The following DYNC1I1 variants were observed in gnomAD, a reference collection of about 807,000 sequenced individuals.
The protein encoded by DYNC1I1 is dynein cytoplasmic 1 intermediate chain 1, also known as cytoplasmic dynein 1 intermediate chain 1.
Under a neutral mutation model 86.6 loss-of-function variants are expected in DYNC1I1, and 43 were observed. The observed-to-expected ratio is 0.50, with a 90% CI of 0.39 to 0.64. The LOEUF is 0.64. Ranked by LOEUF, DYNC1I1 falls within the 30% of genes least tolerant of loss-of-function variation. The probability of loss-of-function intolerance (pLI) is 0.00; values close to 1 mark genes in which losing one functional copy is unlikely to be tolerated. For missense variants in DYNC1I1, 604 were observed against 788.8 expected (o/e 0.77, Z 2.81); for synonymous variants, 262 against 283.7 (o/e 0.92, Z 0.77).
At chr7:96,097,428 C>G (rs1347148836) in intron 16 of DYNC1I1, 55 bp from the exon 17 acceptor site, 7 of 1,601,598 alleles carry the variant, frequency 4.4e-6, no homozygotes, top group Non-Finnish European at 4.3e-6. Context: ...GGCTTCAAGG[C>G]TTTCAGACAT....
At chr7:96,032,155 A>G (rs1356959718) in intron 11 of DYNC1I1, among the ~76,000 whole-genome samples, 2 of 152,202 alleles carry the variant, frequency 1.3e-5, no homozygotes, top group Admixed American at 6.6e-5. Flanking sequence ...CCCCCAGATT[A>G]AAATGGTTAT....
In DYNC1I1 at chr7:95,804,937, T is replaced by C. The variant is rs1444495005; in HGVS notation, c.108+100T>C. On this transcript the variant is annotated intron_variant, in intron 2 of 16. Transcript: ENST00000447467. ...AAATAGGACTCCCTAAAAGAATCCT[T>C]TTATGATATCTGAATAAAATGATTA... is the stretch of plus-strand genomic sequence containing the variant. 3 of 1,439,556 alleles carry C rather than the reference T, an allele frequency of 2.1e-6. No homozygotes were observed. The African/African-American group carries it at 4.3e-5, about 21-fold the overall frequency. The allele number at this position is 1,439,556 out of a possible 1,614,324, so 89.2% of individuals were successfully genotyped here. A position where few individuals can be genotyped will look rare whatever the true frequency, so the allele number is the denominator to read the frequency against.
intron 11 of DYNC1I1, among the ~76,000 whole-genome samples, chr7:96,032,423 C>T (rs1411992831): frequency 6.6e-6 from 1 of 152,176 alleles, no homozygotes. Context: ...TCCTTCTGTT[C>T]CACTGCATTG....
intron 6 of DYNC1I1, among the ~76,000 whole-genome samples, chr7:95,898,165 T>G (rs1790937430): frequency 6.6e-6 from 1 of 152,182 alleles, no homozygotes. Flanking sequence ...CTACACAGAT[T>G]GTCCATCATG....
chr7:95,869,804 AGT>A, intron 5 of DYNC1I1, 77 bp from the exon 6 acceptor site: 1 of 1,348,010 alleles, frequency 7.4e-7, no homozygotes, highest in Non-Finnish European at 1.0e-6. Context: ...TGTTTGTTTT[AGT>A]GCTTTCTTTT....
rs562380150 is a variant in DYNC1I1, at chr7:95,884,260, A to G, written c.490+14262A>G. On this transcript the variant is annotated intron_variant, in intron 6 of 16. Coordinates refer to ENST00000447467, the MANE Select transcript of DYNC1I1 (RefSeq NM_001135556.2). Reference sequence around the variant, plus strand: ...GGTTCAGCAGAAGGGAGTAAGCTCCAGGTAAACATGCAGCACAAATGAGGA... The same window carrying G: ...GGTTCAGCAGAAGGGAGTAAGCTCCGGGTAAACATGCAGCACAAATGAGGA... 3.2e-3 allele frequency among the ~76,000 whole-genome samples: 495 copies of G among 152,338 alleles called. 2 individuals are homozygous for G. The highest frequency in any genetic ancestry group is 5.3e-3 in the Non-Finnish European group (358 of 68,022).
At chr7:95,800,872 A>G (rs2706883) in intron 1 of DYNC1I1, among the ~76,000 whole-genome samples, 3,519 of 152,314 alleles carry the variant, frequency 0.023, 136 homozygotes, top group African/African-American at 0.08. Flanking sequence ...TCTATAACTC[A>G]TGTCCCTCAT....
chr7:95,820,073 C>T (rs940848045), intron 4 of DYNC1I1, among the ~76,000 whole-genome samples: 6 of 152,264 alleles, frequency 3.9e-5, no homozygotes, highest in Middle Eastern at 3.4e-3. Context: ...TAGTGTGGCT[C>T]GCTCTGGAGC....
downstream of DYNC1I1, among the ~76,000 whole-genome samples, chr7:96,099,345 G>T (rs1029898434): frequency 1.3e-5 from 2 of 152,184 alleles, no homozygotes; most frequent in Non-Finnish European, 2.9e-5. Context: ...GTTGAATCCA[G>T]GCTGACGTTA....
chr7:95,898,612 C>T (rs1790950746), intron 6 of DYNC1I1, among the ~76,000 whole-genome samples: 1 of 152,060 alleles, frequency 6.6e-6, no homozygotes. Flanking sequence ...AATTCTACCT[C>T]GTTTTATTTT....
chr7:95,862,417 A>C (rs1789910582), intron 5 of DYNC1I1, among the ~76,000 whole-genome samples: 1 of 152,200 alleles, frequency 6.6e-6, no homozygotes, highest in Admixed American at 6.5e-5. Flanking sequence ...TGTTCTCCAA[A>C]GAAGATATAC....
At chr7:95,997,906 A>G (rs1428364772) in intron 10 of DYNC1I1, among the ~76,000 whole-genome samples, 2 of 152,216 alleles carry the variant, frequency 1.3e-5, no homozygotes, top group East Asian at 3.8e-4. Flanking sequence ...AAAGAAAAAC[A>G]AAATTGCTAT....
At chr7:96,007,735 T>C (rs1794175601) in intron 10 of DYNC1I1, among the ~76,000 whole-genome samples, 1 of 152,226 alleles carries the variant, frequency 6.6e-6, no homozygotes, top group African/African-American at 2.4e-5. Context: ...AAAAGAAGGC[T>C]AATGGATTTT....
chr7:96,055,638 G>C (rs1789554413), intron 14 of DYNC1I1: 1 of 146,454 alleles, frequency 6.8e-6, no homozygotes, highest in African/African-American at 2.6e-5. Flanking sequence ...GATGAACAAA[G>C]CAATATCCTA....
intron 6 of DYNC1I1, among the ~76,000 whole-genome samples, chr7:95,938,025 G>T (rs903284360): frequency 6.6e-6 from 1 of 151,914 alleles, no homozygotes; most frequent in African/African-American, 2.4e-5. Flanking sequence ...TATTACTTGG[G>T]CCCACTTCTT....
chr7:96,037,001 CTAT>C (rs1180965680), intron 13 of DYNC1I1, among the ~76,000 whole-genome samples: 5 of 152,142 alleles, frequency 3.3e-5, no homozygotes, highest in African/African-American at 1.2e-4. Context: ...TCATCCGAGG[CTAT>C]TAAGATTTAA....
chr7:95,986,978 T>G, intron 8 of DYNC1I1, 78 bp from the exon 9 acceptor site: 1 of 1,302,146 alleles, frequency 7.7e-7, no homozygotes, highest in Non-Finnish European at 1.1e-6. Context: ...GTGCCAGGCT[T>G]TTGCCATATC....
intron 4 of DYNC1I1, among the ~76,000 whole-genome samples, chr7:95,825,542 A>T (rs887235950): frequency 3.3e-5 from 5 of 152,222 alleles, no homozygotes; most frequent in African/African-American, 1.2e-4. Flanking sequence ...TCACAATTTG[A>T]ACTGAGATTA....
Position 95,804,326 on chromosome 7 carries a change from G to T in DYNC1I1, c.-9-395G>T, listed in dbSNP as rs530205915. 26 of 1,263,658 alleles carry T rather than the reference G, an allele frequency of 2.1e-5. No homozygotes were observed. The Middle Eastern group carries it at 6.6e-4, about 32-fold the overall frequency. 78.3% of individuals were successfully genotyped at this position (1,263,658 alleles called of 1,614,324 possible). On this transcript the variant is annotated intron_variant, in intron 1 of 16. Coordinates refer to ENST00000447467, the MANE Select transcript of DYNC1I1 (RefSeq NM_001135556.2). ...TGACAGGCTGTTTTCTTTTCTCAGT[G>T]TGGGGATGAATTGCTCCATTATCAT...
Sources: allele counts gnomAD v4.1 joint callset (sites outside exome capture counted in the v4.1 genomes callset), GRCh38; gene constraint gnomAD v4.1.1; transcripts MANE v1.5; gene names NCBI Gene and HGNC (gene_info 2026-07-23, HGNC 2026-07-21).